The following DPP4 variants were observed in gnomAD, a reference collection of about 807,000 sequenced individuals.
DPP4 encodes the protein ADCP-2.
A neutral mutation model predicts 122.4 loss-of-function variants in DPP4; 93 were observed. That is an observed-to-expected ratio of 0.76 (90% CI 0.64 to 0.90). The LOEUF is 0.90. DPP4 is among the 40% of genes least tolerant of loss of function. The probability of loss-of-function intolerance (pLI) is 0.00; values close to 1 mark genes in which losing one functional copy is unlikely to be tolerated. For synonymous variants in DPP4, 321 were observed against 302.9 expected (o/e 1.06, Z -0.62); for missense variants, 914 against 907.3 (o/e 1.01, Z -0.09).
chr2:162,071,259 G>T (rs1291623465), intron 2 of DPP4, among the ~76,000 whole-genome samples: 2 of 152,140 alleles, frequency 1.3e-5, no homozygotes, highest in African/African-American at 4.8e-5. Flanking sequence ...TCTCTGTGTT[G>T]AAACACAGGG....
intron 18 of DPP4, among the ~76,000 whole-genome samples, chr2:162,015,921 C>T (rs946929636): frequency 6.6e-6 from 1 of 152,166 alleles, no homozygotes; most frequent in Non-Finnish European, 1.5e-5. Context: ...AAGCTTAATA[C>T]AAATCCAGAA....
In DPP4 at chr2:161,993,345, C is replaced by CT; in HGVS notation, c.2238dup (p.Ala747SerfsTer33). 6.2e-7 allele frequency: 1 copy of CT among 1,613,432 alleles called. No individual in the cohort carries two copies. Among genetic ancestry groups the CT allele is most frequent in the Non-Finnish European group, 8.5e-7 (1 of 1,179,732 alleles). Reference sequence around the variant, plus strand: ...ATGTGGGTATATATATGTTGGTGTGCTGTGCTGCTAGCTATTCCATGGTCT... The same window carrying CT: ...ATGTGGGTATATATATGTTGGTGTGCTTGTGCTGCTAGCTATTCCATGGTCT... On this transcript the variant is annotated frameshift_variant, in exon 26 of 26. Transcript: ENST00000360534. LOFTEE classifies it high-confidence loss of function.
At chr2:162,064,196 T>C (rs572635889) in intron 2 of DPP4, among the ~76,000 whole-genome samples, 5 of 152,208 alleles carry the variant, frequency 3.3e-5, no homozygotes, top group African/African-American at 1.2e-4. Flanking sequence ...ATACCTGGAA[T>C]AGTTCACCAG....
At chr2:162,073,274 T>A in intron 2 of DPP4, 125 bp downstream of exon 2, 1 of 896,070 alleles carries the variant, frequency 1.1e-6, no homozygotes, top group Non-Finnish European at 1.8e-6. Flanking sequence ...CTGGGAAGCC[T>A]TCTCAGCTAC....
At chr2:162,054,991 G>C (rs1209261216) in intron 2 of DPP4, among the ~76,000 whole-genome samples, 1 of 152,096 alleles carries the variant, frequency 6.6e-6, no homozygotes, top group Non-Finnish European at 1.5e-5. Flanking sequence ...GCATATGTTA[G>C]GCAACCAGAA....
chr2:162,062,154 C>T (rs1378402346), intron 2 of DPP4, among the ~76,000 whole-genome samples: 2 of 151,392 alleles, frequency 1.3e-5, no homozygotes, highest in Middle Eastern at 3.2e-3. Context: ...TGGTGGTGCA[C>T]ACCTATAGTG....
intron 22 of DPP4, among the ~76,000 whole-genome samples, chr2:162,007,334 A>G (rs1484416874): frequency 6.6e-6 from 1 of 152,100 alleles, no homozygotes; most frequent in Admixed American, 6.5e-5. Context: ...CATAGAACAC[A>G]ATACTCCTTT....
At chr2:161,997,649 A>G (rs1701039943) in intron 23 of DPP4, among the ~76,000 whole-genome samples, 1 of 152,202 alleles carries the variant, frequency 6.6e-6, no homozygotes, top group African/African-American at 2.4e-5. Flanking sequence ...ACACCATACC[A>G]TTCATGATAA....
At chr2:161,993,486 A>G (rs1180216933) in intron 25 of DPP4, 102 bp from the exon 26 acceptor site, 1 of 786,810 alleles carries the variant, frequency 1.3e-6, no homozygotes, top group East Asian at 2.5e-5. Flanking sequence ...TACATGGTAT[A>G]AAACAGAGTG....
intron 5 of DPP4, among the ~76,000 whole-genome samples, chr2:162,040,080 T>C (rs936302531): frequency 2.0e-5 from 3 of 152,054 alleles, no homozygotes; most frequent in African/African-American, 7.2e-5. Context: ...TCTTGAAAAA[T>C]AATTTCTTAA....
intron 2 of DPP4, among the ~76,000 whole-genome samples, chr2:162,070,018 G>T (rs1343542410): frequency 3.3e-5 from 5 of 151,908 alleles, no homozygotes; most frequent in Non-Finnish European, 7.4e-5. Flanking sequence ...TAGTGTAAAA[G>T]AAAAAATAAA....
At chr2:162,048,065 G>A (rs1684252688) in intron 2 of DPP4, among the ~76,000 whole-genome samples, 1 of 152,118 alleles carries the variant, frequency 6.6e-6, no homozygotes, top group Admixed American at 6.5e-5. Context: ...GGATGGCCTG[G>A]AGCTAGATCA....
At position 162,018,805 on chromosome 2, in the gene DPP4, C is replaced by T. The variant is rs2106098898; in HGVS notation, c.1344G>A (p.Glu448=). The change falls in exon 16 of 26, where the codon GAG becomes GAA. Residue 448 remains glutamate, a synonymous_variant. Transcript: ENST00000360534. ...DYTKVTCLSC[E]LNPERCQYYS... Reference sequence around the variant, plus strand: ...AGTACTGACACCTTTCCGGATTCAGCTCACAACTGAGGCATGTCACTTTTG... The same window carrying T: ...AGTACTGACACCTTTCCGGATTCAGTTCACAACTGAGGCATGTCACTTTTG... The T allele has an allele frequency of 6.2e-7, 1 of 1,614,154 alleles. No individual in the cohort carries two copies. The highest frequency in any genetic ancestry group is 2.2e-5 in the East Asian group (1 of 44,870).
chr2:162,050,941 G>A (rs1282297953), intron 2 of DPP4, among the ~76,000 whole-genome samples: 1 of 152,168 alleles, frequency 6.6e-6, no homozygotes, highest in Non-Finnish European at 1.5e-5. Flanking sequence ...GGTTTTCTTA[G>A]TTCGGCCTGG....
chr2:162,073,840 C>T (rs1685212199), intron 1 of DPP4, 136 bp downstream of exon 1: 1 of 1,204,008 alleles, frequency 8.3e-7, no homozygotes, highest in Admixed American at 2.6e-5. Context: ...GTCCCTTCAC[C>T]TGTCAGAGGG....
chr2:162,027,914 T>G (rs1683391173), intron 10 of DPP4, among the ~76,000 whole-genome samples: 1 of 152,114 alleles, frequency 6.6e-6, no homozygotes. Flanking sequence ...TGACCCCAGG[T>G]GTACTCTGCA....
intron 5 of DPP4, among the ~76,000 whole-genome samples, chr2:162,044,434 G>A (rs142608940): frequency 2.0e-3 from 296 of 151,770 alleles, no homozygotes; most frequent in African/African-American, 6.4e-3. Flanking sequence ...TGGTGGGTGA[G>A]TGTTGGTGTG....
At chr2:162,055,394 A>C (rs1031179328) in intron 2 of DPP4, among the ~76,000 whole-genome samples, 3 of 152,204 alleles carry the variant, frequency 2.0e-5, no homozygotes, top group Non-Finnish European at 2.9e-5. Context: ...TTACCTTGTC[A>C]ACAATAGAAC....
In DPP4 at chr2:162,016,748, T is replaced by C. The variant is rs377416430; in HGVS notation, c.1567+20A>G. 6.3e-7 allele frequency: 1 copy of C among 1,582,366 alleles called. No homozygotes were observed. Among genetic ancestry groups the C allele is most frequent in the Admixed American group, 1.7e-5 (1 of 57,610 alleles). ...TTGGTGTTTCCATGAAAAGTACTAT[T>C]CCAAAGGAATTTAACTTACTTGTTT... is the stretch of plus-strand genomic sequence containing the variant. On this transcript the variant is annotated intron_variant, in intron 18 of 25. Coordinates refer to ENST00000360534, the MANE Select transcript of DPP4 (RefSeq NM_001935.4).
Sources: gnomAD v4.1 joint callset for allele counts (sites outside exome capture counted in the v4.1 genomes callset) on GRCh38, gnomAD v4.1.1 for gene constraint, MANE v1.5 for transcripts, NCBI Gene and HGNC (gene_info 2026-07-23, HGNC 2026-07-21) for gene names.